The following EYS variants were observed in gnomAD, a reference collection of about 807,000 sequenced individuals.
EYS encodes protein eyes shut homolog.
A neutral mutation model predicts 282.1 loss-of-function variants in EYS; 250 were observed. That is an observed-to-expected ratio of 0.89 (90% CI 0.80 to 0.98). EYS has a LOEUF of 0.98. Ranked by LOEUF, EYS falls within the 50% of genes least tolerant of loss-of-function variation. EYS has a pLI of 0.00. For synonymous variants in EYS, 1,355 were observed against 1,282.9 expected (o/e 1.06, Z -1.20); for missense variants, 4,016 against 3,709.0 (o/e 1.08, Z -2.15).
intron 2 of EYS, among the ~76,000 whole-genome samples, chr6:65,608,298 C>T (rs1162556195): frequency 2.0e-5 from 3 of 151,874 alleles, no homozygotes; most frequent in Non-Finnish European, 2.9e-5. Flanking sequence ...TATATTTAAA[C>T]AGGAAAAGGT....
At chr6:64,766,854 C>T (rs1773369107) in intron 22 of EYS, among the ~76,000 whole-genome samples, 1 of 150,660 alleles carries the variant, frequency 6.6e-6, no homozygotes, top group Non-Finnish European at 1.5e-5. Context: ...TTTGTTACTT[C>T]TTACCTTAAA....
intron 26 of EYS, among the ~76,000 whole-genome samples, chr6:64,508,418 T>G (rs1210537230): frequency 6.6e-6 from 1 of 151,982 alleles, no homozygotes; most frequent in Non-Finnish European, 1.5e-5. Flanking sequence ...GTTGTTTGTA[T>G]TCTGGGTCTG....
At chr6:65,076,386 T>C (rs1030726451) in intron 12 of EYS, among the ~76,000 whole-genome samples, 8 of 152,016 alleles carry the variant, frequency 5.3e-5, no homozygotes, top group Non-Finnish European at 7.4e-5. Flanking sequence ...AAATTACATA[T>C]GTCCATTAAA....
intron 2 of EYS, among the ~76,000 whole-genome samples, chr6:65,609,473 A>C (rs1765918128): frequency 6.6e-6 from 1 of 152,084 alleles, no homozygotes; most frequent in South Asian, 2.1e-4. Flanking sequence ...TCTAGATGAG[A>C]AAAATATCAT....
At chr6:64,371,578 G>A (rs779300430) in intron 29 of EYS, among the ~76,000 whole-genome samples, 118 of 151,976 alleles carry the variant, frequency 7.8e-4, no homozygotes, top group Non-Finnish European at 9.1e-4. Flanking sequence ...TTAATTTTCT[G>A]CCTTGATGAT....
At chr6:64,830,479 C>A (rs1163868622) in intron 19 of EYS, among the ~76,000 whole-genome samples, 1 of 151,866 alleles carries the variant, frequency 6.6e-6, no homozygotes, top group East Asian at 1.9e-4. Context: ...AAAGTCATAG[C>A]CTTACTAGGA....
chr6:64,325,191 T>C (rs777852459), intron 29 of EYS, among the ~76,000 whole-genome samples: 1 of 152,114 alleles, frequency 6.6e-6, no homozygotes, highest in Non-Finnish European at 1.5e-5. Context: ...CCTGGAGATA[T>C]CTCAAATACT....
chr6:64,016,323 G>A (rs901694289), intron 33 of EYS, among the ~76,000 whole-genome samples: 8 of 152,116 alleles, frequency 5.3e-5, no homozygotes, highest in African/African-American at 1.7e-4. Context: ...CACCCTCTGA[G>A]ATAAATGGAA....
At chr6:65,527,650 T>A (rs751019867) in intron 2 of EYS, among the ~76,000 whole-genome samples, 7 of 152,232 alleles carry the variant, frequency 4.6e-5, no homozygotes, top group Admixed American at 6.5e-5. Flanking sequence ...CACTAGTCTA[T>A]GTCTGACTTG....
intron 5 of EYS, among the ~76,000 whole-genome samples, chr6:65,451,997 T>C (rs9351501): frequency 0.18 from 27,989 of 151,660 alleles, 3,212 homozygotes; most frequent in Middle Eastern, 0.3. Context: ...AAACTATTCA[T>C]AGAAACTTTG....
At chr6:64,415,067 A>G (rs941864247) in intron 28 of EYS, among the ~76,000 whole-genome samples, 7 of 152,186 alleles carry the variant, frequency 4.6e-5, no homozygotes, top group Non-Finnish European at 8.8e-5. Flanking sequence ...CAACAAACAC[A>G]ATAGTTGTAT....
chr6:65,218,074 C>T (rs1170887860), intron 12 of EYS, among the ~76,000 whole-genome samples: 1 of 151,908 alleles, frequency 6.6e-6, no homozygotes, highest in Non-Finnish European at 1.5e-5. Context: ...ATAGAATAAA[C>T]TAGATCTGGG....
Position 65,406,826 on chromosome 6 carries a change from C to T in EYS, c.863-1459G>A, listed in dbSNP as rs928199275. Among the ~76,000 whole-genome samples, 3 of 151,976 alleles carry T rather than the reference C, an allele frequency of 2.0e-5. No homozygotes were observed. In the East Asian group the frequency reaches 5.8e-4, roughly 29 times the overall value. ...CCTGATTTATATGCCTTTTTATGTGCAATAACCCATTGACCAGATAAATAC... is the reference window on the plus strand; with the variant it reads ...CCTGATTTATATGCCTTTTTATGTGTAATAACCCATTGACCAGATAAATAC... On this transcript the variant is annotated intron_variant, in intron 5 of 42. Coordinates refer to ENST00000503581, the MANE Select transcript of EYS (RefSeq NM_001142800.2).
intron 30 of EYS, among the ~76,000 whole-genome samples, chr6:64,299,963 T>C (rs1414282015): frequency 6.6e-6 from 1 of 152,056 alleles, no homozygotes; most frequent in African/African-American, 2.4e-5. Context: ...AGACACGCTA[T>C]CACCAGGCCA....
At chr6:65,417,349 A>C (rs542128993) in intron 5 of EYS, among the ~76,000 whole-genome samples, 1 of 152,154 alleles carries the variant, frequency 6.6e-6, no homozygotes, top group African/African-American at 2.4e-5. Context: ...TCTTGTTATT[A>C]ATTCAGTTTT....
chr6:65,065,259 T>C (rs978177586), intron 12 of EYS, among the ~76,000 whole-genome samples: 1 of 152,202 alleles, frequency 6.6e-6, no homozygotes, highest in African/African-American at 2.4e-5. Context: ...ATACAGTTTG[T>C]TGACTAGAAA....
intron 22 of EYS, chr6:64,733,511 G>T: frequency 1.1e-5 from 2 of 185,468 alleles, no homozygotes; most frequent in South Asian, 2.5e-4. Flanking sequence ...CCATTGTCAT[G>T]GCAACAAGTT....
chr6:64,977,109 T>A (rs1346034622), intron 14 of EYS, among the ~76,000 whole-genome samples: 1 of 151,910 alleles, frequency 6.6e-6, no homozygotes, highest in East Asian at 2.0e-4. Context: ...GCTAGGCTGG[T>A]CTTGAACTCC....
At chr6:65,633,685 A>T (rs1325212811) in intron 2 of EYS, among the ~76,000 whole-genome samples, 1 of 152,206 alleles carries the variant, frequency 6.6e-6, no homozygotes, top group Admixed American at 6.6e-5. Flanking sequence ...TAATTATGAA[A>T]TACCTACCCT....
Sources: gnomAD v4.1 joint callset for allele counts (sites outside exome capture counted in the v4.1 genomes callset) on GRCh38, gnomAD v4.1.1 for gene constraint, MANE v1.5 for transcripts, NCBI Gene and HGNC (gene_info 2026-07-23, HGNC 2026-07-21) for gene names.